The following CHN1 variants were observed in gnomAD, a reference collection of about 807,000 sequenced individuals.
CHN1 encodes chimerin 1.
CHN1 carries 37 observed loss-of-function variants against 59.5 expected under a neutral mutation model. The ratio of observed to expected loss-of-function variants is 0.62; its 90% CI spans 0.48 to 0.82. The LOEUF (loss-of-function observed/expected upper bound fraction) is 0.82. Among genes scored for constraint, CHN1 ranks in the 40% least tolerant of loss-of-function variants. CHN1 has a pLI of 0.00. For synonymous variants in CHN1, 206 were observed against 200.4 expected (o/e 1.03, Z -0.24); for missense variants, 469 against 571.0 (o/e 0.82, Z 1.82).
intron 1 of CHN1, among the ~76,000 whole-genome samples, chr2:174,987,510 T>C (rs976215993): frequency 6.6e-6 from 1 of 151,284 alleles, no homozygotes; most frequent in African/African-American, 2.4e-5. Context: ...CAGGTTCAAG[T>C]GATTCTCCTG....
chr2:174,850,822 G>A (rs1357314575), intron 6 of CHN1, among the ~76,000 whole-genome samples: 1 of 152,218 alleles, frequency 6.6e-6, no homozygotes, highest in Non-Finnish European at 1.5e-5. Flanking sequence ...TAGGAGAGAA[G>A]TGGAAAGTGG....
intron 1 of CHN1, among the ~76,000 whole-genome samples, chr2:174,956,893 G>A (rs1356189031): frequency 2.0e-5 from 3 of 152,012 alleles, no homozygotes; most frequent in Non-Finnish European, 2.9e-5. Context: ...AAGTTACCTC[G>A]AACACTGAAT....
intron 3 of CHN1, among the ~76,000 whole-genome samples, chr2:174,941,797 T>C (rs1689674515): frequency 6.6e-6 from 1 of 152,196 alleles, no homozygotes; most frequent in Admixed American, 6.5e-5. Flanking sequence ...CTTGAACCTC[T>C]GGGCTCAAGC....
At chr2:174,999,737 T>C (rs931233361) in intron 1 of CHN1, among the ~76,000 whole-genome samples, 2 of 152,160 alleles carry the variant, frequency 1.3e-5, no homozygotes, top group East Asian at 1.9e-4. Context: ...AACAGATACA[T>C]AGTATATCTC....
intron 1 of CHN1, among the ~76,000 whole-genome samples, chr2:174,962,771 ATGATGGCATGCATCTGTAATCCC>A (rs1690456714): frequency 6.7e-6 from 1 of 149,444 alleles, no homozygotes; most frequent in African/African-American, 2.5e-5. Flanking sequence ...TTAGCCGGGC[ATGATGGCATGCATCTGTAATCCC>A]TGCTACTCAG....
chr2:174,811,980 T>A lies in CHN1; in HGVS notation c.886+329A>T, dbSNP rs568747663. On this transcript the variant is annotated intron_variant, in intron 9 of 12. Transcript: ENST00000409900. ...TTTATAGATAGTTTTAGTAGAGCAT[T>A]TATACTTTTGCTTTTTGAACCAAAG... 1.9e-5 allele frequency: 5 copies of A among 256,794 alleles called. No individual in the cohort carries two copies. The South Asian group carries it at 6.3e-4, about 32-fold the overall frequency. The allele number at this position is 256,794 out of a possible 1,614,324, so 15.9% of individuals were successfully genotyped here. A position where few individuals can be genotyped will look rare whatever the true frequency, so the allele number is the denominator to read the frequency against.
chr2:174,906,975 C>T (rs1688561607), intron 5 of CHN1, among the ~76,000 whole-genome samples: 1 of 152,152 alleles, frequency 6.6e-6, no homozygotes, highest in South Asian at 2.1e-4. Context: ...TGTAGATTTT[C>T]TTCCGTCTTT....
intron 8 of CHN1, among the ~76,000 whole-genome samples, chr2:174,822,765 CA>C (rs1249542549): frequency 6.6e-6 from 1 of 152,198 alleles, no homozygotes; most frequent in Non-Finnish European, 1.5e-5. Context: ...CCCTCCAGTG[CA>C]AAGGCACAAC....
chr2:174,808,243 T>C (rs1684963889), intron 11 of CHN1, among the ~76,000 whole-genome samples: 1 of 152,240 alleles, frequency 6.6e-6, no homozygotes, highest in South Asian at 2.1e-4. Context: ...AGAAATTTTA[T>C]GTTTGCTGAA....
intron 6 of CHN1, among the ~76,000 whole-genome samples, chr2:174,876,932 A>T (rs1006660231): frequency 1.3e-5 from 2 of 152,234 alleles, no homozygotes; most frequent in African/African-American, 4.8e-5. Flanking sequence ...AGGTATTACA[A>T]CTTGCACACA....
intron 8 of CHN1, among the ~76,000 whole-genome samples, chr2:174,817,250 A>G (rs1574049459): frequency 6.6e-6 from 1 of 152,186 alleles, no homozygotes; most frequent in East Asian, 1.9e-4. Flanking sequence ...TTTTACCCAA[A>G]TGAGTCCCCT....
chr2:174,844,797 T>C (rs1002463851), intron 7 of CHN1, among the ~76,000 whole-genome samples: 4 of 152,044 alleles, frequency 2.6e-5, no homozygotes, highest in Admixed American at 6.6e-5. Context: ...ATGGAAAGAG[T>C]CAATTCCGAG....
At chr2:174,852,634 G>A (rs1686772497) in intron 6 of CHN1, among the ~76,000 whole-genome samples, 1 of 152,088 alleles carries the variant, frequency 6.6e-6, no homozygotes, top group African/African-American at 2.4e-5. Flanking sequence ...GCAATCCTAA[G>A]CAAAAAGAAC....
At chr2:174,974,908 C>CAG in intron 1 of CHN1, among the ~76,000 whole-genome samples, 1 of 135,064 alleles carries the variant, frequency 7.4e-6, no homozygotes, top group Non-Finnish European at 1.7e-5. Context: ...TACACACACA[C>CAG]ACACACACAC....
intron 1 of CHN1, among the ~76,000 whole-genome samples, chr2:175,004,075 A>C (rs1377855566): frequency 6.6e-6 from 1 of 151,224 alleles, no homozygotes; most frequent in Admixed American, 6.5e-5. Context: ...AAAAAGCTGA[A>C]TACTTTGAAC....
At chr2:174,916,627 G>T (rs1391599064) in intron 4 of CHN1, among the ~76,000 whole-genome samples, 1 of 152,160 alleles carries the variant, frequency 6.6e-6, no homozygotes, top group Admixed American at 6.5e-5. Flanking sequence ...TCCTGATAGG[G>T]ATGGTTCAGT....
rs1011439927 is a variant in CHN1 at position 174,951,969 on chromosome 2, C to T, written c.58+195G>A. Among the ~76,000 whole-genome samples, 12 of 152,144 alleles carry T rather than the reference C, an allele frequency of 7.9e-5. 1 individual carries two copies. Among genetic ancestry groups the T allele is most frequent in the African/African-American group, 1.9e-4 (8 of 41,444 alleles). ...TCAGAGGGATGAAATGCATTCCAGACGGAAAACCATATACTGTACAGACTT... is the reference window on the plus strand; with the variant it reads ...TCAGAGGGATGAAATGCATTCCAGATGGAAAACCATATACTGTACAGACTT... On this transcript the variant is annotated intron_variant, in intron 2 of 12. Transcript: ENST00000409900.
At chr2:174,861,087 T>C (rs1687054397) in intron 6 of CHN1, among the ~76,000 whole-genome samples, 1 of 152,128 alleles carries the variant, frequency 6.6e-6, no homozygotes, top group South Asian at 2.1e-4. Flanking sequence ...CAGTGTTAAG[T>C]GGTTAAAAGC....
intron 7 of CHN1, chr2:174,846,218 A>G: frequency 2.8e-6 from 4 of 1,444,894 alleles, no homozygotes; most frequent in Non-Finnish European, 3.7e-6. Flanking sequence ...AGATCTACAT[A>G]CAGCTTGAAT....
Sources: allele counts gnomAD v4.1 joint callset (sites outside exome capture counted in the v4.1 genomes callset), GRCh38; gene constraint gnomAD v4.1.1; transcripts MANE v1.5; gene names NCBI Gene and HGNC (gene_info 2026-07-23, HGNC 2026-07-21).